The following EGFL6 variants were observed in gnomAD, a reference collection of about 807,000 sequenced individuals.
The protein encoded by EGFL6 is EGF like domain multiple 6.
In EGFL6, 42 loss-of-function variants were observed where a neutral mutation model predicts 43.1. The observed-to-expected ratio is 0.98, with a 90% confidence interval of 0.76 to 1.26. EGFL6 has a LOEUF of 1.26. EGFL6 is among the 50% of genes most tolerant of loss of function. EGFL6 has a pLI of 0.00. For missense variants in EGFL6, 429 were observed against 427.8 expected (o/e 1.00, Z -0.02); for synonymous variants, 164 against 163.2 (o/e 1.01, Z -0.04).
chrX:13,591,150 A>G (rs2045560938), intron 2 of EGFL6, among the ~76,000 whole-genome samples: 1 of 112,216 alleles, frequency 8.9e-6, no homozygotes, highest in Admixed American at 9.5e-5. Context: ...ACTTCTCGTC[A>G]TTAAAGCACC....
At chrX:13,626,815 A>G (rs2045782937) in intron 10 of EGFL6, among the ~76,000 whole-genome samples, 196 bp from the exon 11 acceptor site, 1 of 112,693 alleles carries the variant, frequency 8.9e-6, no homozygotes, top group African/African-American at 3.2e-5. Context: ...ATTTGTCTAT[A>G]TAACAAAAGA....
intron 4 of EGFL6, 118 bp from the exon 5 acceptor site, chrX:13,603,194 AAACTT>A (rs2045642721): frequency 1.2e-6 from 1 of 842,056 alleles, no homozygotes; most frequent in Non-Finnish European, 1.6e-6. Flanking sequence ...TCAGACAATG[AAACTT>A]GTCCTATAAT....
At chrX:13,578,636 G>A (rs2045487769) in intron 1 of EGFL6, among the ~76,000 whole-genome samples, 2 of 110,939 alleles carry the variant, frequency 1.8e-5, no homozygotes, top group African/African-American at 6.6e-5. Context: ...GTAGGGACGT[G>A]GATGAAGCTG....
intron 5 of EGFL6, among the ~76,000 whole-genome samples, chrX:13,605,578 CAAAAAAAAAAA>C (rs61513005): frequency 3.3e-5 from 2 of 60,378 alleles, no homozygotes; most frequent in African/African-American, 1.2e-4. Flanking sequence ...GGCCTTGTCT[CAAAAAAAAAAA>C]AAAAAAAAAG....
rs1200078381 is a variant in EGFL6, at chrX:13,633,153, C to T, written c.*58C>T. 3.3e-5 allele frequency: 32 copies of T among 963,119 alleles called. No homozygotes were observed. The highest frequency in any genetic ancestry group is 4.3e-5 in the Non-Finnish European group (30 of 702,542). 79.4% of individuals were successfully genotyped at this position (963,119 alleles called of 1,213,427 possible). A position where few individuals can be genotyped will look rare whatever the true frequency, so the allele number is the denominator to read the frequency against. On this transcript the variant is annotated 3_prime_UTR_variant, in exon 12 of 12. Coordinates refer to ENST00000361306, the MANE Select transcript of EGFL6 (RefSeq NM_015507.4). ...CAGTTCCCTGGTTTTTTTGATATTG[C>T]ATCATAGGACCTCTGGCATTTTAGA...
At chrX:13,606,310 TGTGC>T in intron 5 of EGFL6, 65 bp from the exon 6 acceptor site, 6 of 1,091,310 alleles carry the variant, frequency 5.5e-6, no homozygotes, top group Middle Eastern at 2.5e-4. Flanking sequence ...TAGCTGTGAG[TGTGC>T]GTGCGTGCAT....
At chrX:13,581,979 G>T (rs1466287140) in intron 1 of EGFL6, among the ~76,000 whole-genome samples, 1 of 111,578 alleles carries the variant, frequency 9.0e-6, no homozygotes, top group African/African-American at 3.3e-5. Context: ...AGAGAAGCTG[G>T]CCAGTCCATC....
intron 7 of EGFL6, among the ~76,000 whole-genome samples, chrX:13,609,423 A>G (rs1056127458): frequency 8.9e-6 from 1 of 112,280 alleles, no homozygotes; most frequent in Non-Finnish European, 1.9e-5. Context: ...TTACAGCACA[A>G]TCACTTCCCT....
intron 7 of EGFL6, among the ~76,000 whole-genome samples, chrX:13,613,157 C>CATAT (rs35293457): frequency 0.036 from 3,173 of 89,219 alleles, 56 homozygotes; most frequent in South Asian, 0.062. Context: ...TAAATATATA[C>CATAT]ATATATATAT....
chrX:13,626,927 A>G, intron 10 of EGFL6, 84 bp from the exon 11 acceptor site: 1 of 1,041,251 alleles, frequency 9.6e-7, no homozygotes, highest in African/African-American at 1.9e-5. Context: ...ACTATTGTTT[A>G]CTTTTTATAG....
intron 7 of EGFL6, among the ~76,000 whole-genome samples, chrX:13,616,851 A>G (rs1381976302): frequency 9.4e-6 from 1 of 106,901 alleles, no homozygotes; most frequent in African/African-American, 3.4e-5. Context: ...GAATTGATCT[A>G]GAGGTACATT....
chrX:13,586,934 A>C (rs1014063905), intron 1 of EGFL6, among the ~76,000 whole-genome samples: 22 of 112,611 alleles, frequency 2.0e-4, no homozygotes, highest in African/African-American at 6.8e-4. Flanking sequence ...TACAACATGG[A>C]TCAAACTTGA....
intron 1 of EGFL6, among the ~76,000 whole-genome samples, chrX:13,577,479 CAT>C (rs1429925126): frequency 9.5e-6 from 1 of 104,913 alleles, no homozygotes; most frequent in African/African-American, 3.5e-5. Context: ...TATATAAAAA[CAT>C]ATAAAACATT....
intron 9 of EGFL6, among the ~76,000 whole-genome samples, 189 bp from the exon 10 acceptor site, chrX:13,623,635 G>C (rs1411002194): frequency 9.2e-6 from 1 of 108,543 alleles, no homozygotes; most frequent in Non-Finnish European, 1.9e-5. Context: ...GCCTCCCAAA[G>C]CTTTTTGTTT....
At chrX:13,623,377 G>GTTTTTTTTTTTTTTTTTTTGTT (rs2045759667) in intron 9 of EGFL6, among the ~76,000 whole-genome samples, 1 of 40,371 alleles carries the variant, frequency 2.5e-5, no homozygotes, top group Non-Finnish European at 4.2e-5. Flanking sequence ...TTTATTTTGG[G>GTTTTTTTTTTTTTTTTTTTGTT]TTTTTTTTTT....
At position 13,597,407 on chromosome X, in the gene EGFL6, C is replaced by T. The variant is rs777714048; in HGVS notation, c.280+2479C>T. On this transcript the variant is annotated intron_variant, in intron 3 of 11. Coordinates refer to ENST00000361306, the MANE Select transcript of EGFL6 (RefSeq NM_015507.4). ...TCTCGGAGAGCAATCTGGCTCTCTG[C>T]GTCCTGCCACCAGCATAGAGGCCAG... Among the ~76,000 whole-genome samples, 35 of 112,039 alleles carry T rather than the reference C, an allele frequency of 3.1e-4. No homozygotes were observed. In the South Asian group the frequency reaches 9.0e-3, roughly 29 times the overall value.
intron 1 of EGFL6, among the ~76,000 whole-genome samples, chrX:13,571,072 C>T (rs2045439345): frequency 9.2e-6 from 1 of 109,014 alleles, no homozygotes; most frequent in Non-Finnish European, 1.9e-5. Context: ...GGCCTCTACT[C>T]ACTAGATACT....
intron 9 of EGFL6, 117 bp from the exon 10 acceptor site, chrX:13,623,707 T>C: frequency 2.0e-6 from 1 of 490,605 alleles, no homozygotes; most frequent in Non-Finnish European, 3.4e-6. Flanking sequence ...AAACAGGGTA[T>C]GTCATGATCT....
At chrX:13,632,615 G>GT (rs2045819735) in intron 11 of EGFL6, among the ~76,000 whole-genome samples, 1 of 110,982 alleles carries the variant, frequency 9.0e-6, no homozygotes, top group African/African-American at 3.3e-5. Flanking sequence ...TGACTATATA[G>GT]TTTTTTATTA....
Sources: gnomAD v4.1 joint callset for allele counts (sites outside exome capture counted in the v4.1 genomes callset) on GRCh38, gnomAD v4.1.1 for gene constraint, MANE v1.5 for transcripts, NCBI Gene and HGNC (gene_info 2026-07-23, HGNC 2026-07-21) for gene names.